Variants in TENM1 observed in about 807,000 individuals in gnomAD.
TENM1 encodes teneurin transmembrane protein 1, also known as teneurin-1.
TENM1 carries 35 observed loss-of-function variants against 174.8 expected under a neutral mutation model. The observed-to-expected ratio is 0.20, with a 90% CI of 0.15 to 0.27. The LOEUF is 0.27. TENM1 is among the 10% of genes least tolerant of loss of function. TENM1 has a pLI of 1.00. For synonymous variants in TENM1, 781 were observed against 798.7 expected (o/e 0.98, Z 0.37); for missense variants, 1,633 against 2,130.1 (o/e 0.77, Z 4.59).
chrX:124,762,655 C>T (rs189151970), intron 3 of TENM1, among the ~76,000 whole-genome samples: 2 of 111,440 alleles, frequency 1.8e-5, no homozygotes, highest in Non-Finnish European at 3.8e-5. Flanking sequence ...AATAGCATTC[C>T]ATTTATATAT....
chrX:124,738,180 G>A (rs1201928357), intron 3 of TENM1, among the ~76,000 whole-genome samples: 1 of 111,784 alleles, frequency 8.9e-6, no homozygotes, highest in Non-Finnish European at 1.9e-5. Flanking sequence ...ACACCAGCAC[G>A]TTCTGGATAA....
At chrX:124,457,686 G>C (rs970047604) in intron 22 of TENM1, among the ~76,000 whole-genome samples, 3 of 111,694 alleles carry the variant, frequency 2.7e-5, no homozygotes, top group African/African-American at 9.8e-5. Context: ...TAATCACTGA[G>C]AGTCCAGATG....
chrX:124,972,377 A>T, the TENM1 span, among the ~76,000 whole-genome samples: 1 of 112,289 alleles, frequency 8.9e-6, no homozygotes, highest in South Asian at 3.7e-4. Context: ...CTCTAAAAGG[A>T]AAACATGGTC....
At chrX:124,976,050 G>A in the TENM1 span, among the ~76,000 whole-genome samples, 1 of 110,570 alleles carries the variant, frequency 9.0e-6, no homozygotes, top group African/African-American at 3.3e-5. Context: ...AAGTACCAGA[G>A]GAAAACTTCT....
chrX:125,118,411 A>T, the TENM1 span, among the ~76,000 whole-genome samples: 1 of 112,013 alleles, frequency 8.9e-6, no homozygotes, highest in African/African-American at 3.2e-5. Flanking sequence ...CTGTTAAAGA[A>T]AAAAAAGTTA....
intron 3 of TENM1, among the ~76,000 whole-genome samples, chrX:124,761,919 T>G (rs1424105583): frequency 8.9e-6 from 1 of 111,982 alleles, no homozygotes; most frequent in East Asian, 2.8e-4. Context: ...AAAAACAGTT[T>G]GTTAGCCATT....
At chrX:124,603,650 T>C (rs755361743) in intron 11 of TENM1, among the ~76,000 whole-genome samples, 17 of 111,905 alleles carry the variant, frequency 1.5e-4, no homozygotes, top group African/African-American at 5.5e-4. Context: ...TACACCACAG[T>C]AGTTGGTAAT....
chrX:124,968,873 T>C, the TENM1 span, among the ~76,000 whole-genome samples: 3 of 111,961 alleles, frequency 2.7e-5, no homozygotes, highest in African/African-American at 9.7e-5. Context: ...AAATAGCTCA[T>C]TTTTTTCAAA....
rs183339761 is a variant in TENM1, at chrX:124,796,659, A to G, written c.536-59462T>C. ...TCTCTGCTGGGAAGAGCTCATTATTATACTAAATATAGAAGATATGGTATA... is the reference window on the plus strand; with the variant it reads ...TCTCTGCTGGGAAGAGCTCATTATTGTACTAAATATAGAAGATATGGTATA... On this transcript the variant is annotated intron_variant, in intron 3 of 31. Transcript: ENST00000422452. 1.3e-4 allele frequency among the ~76,000 whole-genome samples: 14 copies of G among 111,588 alleles called. No individual in the cohort carries two copies. In the East Asian group the frequency reaches 3.9e-3, roughly 31 times the overall value.
chrX:124,687,636 AAC>A (rs1188337119), intron 5 of TENM1, among the ~76,000 whole-genome samples: 1 of 112,415 alleles, frequency 8.9e-6, no homozygotes, highest in East Asian at 2.8e-4. Flanking sequence ...CATCAGAGTG[AAC>A]AGGCAACTTA....
chrX:125,049,061 A>AT, the TENM1 span, among the ~76,000 whole-genome samples: 6 of 111,739 alleles, frequency 5.4e-5, no homozygotes, highest in Non-Finnish European at 9.4e-5. Context: ...AATGTTGGCT[A>AT]TTTTTCCTGT....
intron 11 of TENM1, among the ~76,000 whole-genome samples, chrX:124,620,371 GA>G (rs1038871602): frequency 9.2e-6 from 1 of 108,888 alleles, no homozygotes; most frequent in Non-Finnish European, 1.9e-5. Flanking sequence ...AGTAAAGAAG[GA>G]AAAAAAAATC....
rs770752696 is a variant in TENM1 at position 124,797,188 on chromosome X, T to C, written c.536-59991A>G. On this transcript the variant is annotated intron_variant, in intron 3 of 31. Transcript: ENST00000422452. ...ATTTTGTAGCCCATGAAGTGCCCTG[T>C]ATATAGTAATGAGTCAAATGTCTGT... Among the ~76,000 whole-genome samples the C allele has an allele frequency of 2.7e-5, 3 of 111,940 alleles. No homozygotes were observed. The South Asian group carries it at 1.1e-3, about 42-fold the overall frequency.
At chrX:124,517,965 G>A (rs2047752845) in intron 18 of TENM1, among the ~76,000 whole-genome samples, 1 of 111,317 alleles carries the variant, frequency 9.0e-6, no homozygotes, top group South Asian at 3.8e-4. Flanking sequence ...GTATGATTCA[G>A]TGAGGGTCTC....
At chrX:124,518,123 G>A (rs1351766389) in intron 18 of TENM1, among the ~76,000 whole-genome samples, 1 of 111,157 alleles carries the variant, frequency 9.0e-6, no homozygotes, top group Non-Finnish European at 1.9e-5. Context: ...GGGGGAAGAG[G>A]ATGGAGTGAT....
chrX:124,720,460 C>T (rs891317215), intron 4 of TENM1, among the ~76,000 whole-genome samples: 18 of 111,512 alleles, frequency 1.6e-4, no homozygotes, highest in African/African-American at 5.5e-4. Flanking sequence ...CCCACCCCTC[C>T]GGATCAAACC....
At chrX:124,566,167 T>C (rs919109859) in intron 11 of TENM1, among the ~76,000 whole-genome samples, 2 of 112,114 alleles carry the variant, frequency 1.8e-5, no homozygotes, top group African/African-American at 6.5e-5. Flanking sequence ...GGAAAGATAA[T>C]AACTTTCTAA....
chrX:125,110,562 T>C, the TENM1 span, among the ~76,000 whole-genome samples: 1 of 108,221 alleles, frequency 9.2e-6, no homozygotes, highest in South Asian at 3.9e-4. Context: ...ACCAGCACTG[T>C]CCTAGCTGCT....
intron 27 of TENM1, among the ~76,000 whole-genome samples, chrX:124,395,388 G>A (rs1284782142): frequency 6.4e-5 from 7 of 109,234 alleles, no homozygotes; most frequent in African/African-American, 2.0e-4. Flanking sequence ...GTCAGCTGGG[G>A]CTAATGTTAT....
Sources: gnomAD v4.1 joint callset for allele counts (sites outside exome capture counted in the v4.1 genomes callset) on GRCh38, gnomAD v4.1.1 for gene constraint, MANE v1.5 for transcripts, NCBI Gene and HGNC (gene_info 2026-07-23, HGNC 2026-07-21) for gene names.